DCC: variants seen among roughly 807,000 people sequenced by gnomAD.
DCC encodes the protein netrin receptor DCC.
DCC carries 58 observed loss-of-function variants against 172.5 expected under a neutral mutation model. The observed-to-expected ratio is 0.34, with a 90% confidence interval of 0.27 to 0.42. DCC has a LOEUF of 0.42. Ranked by LOEUF, DCC falls within the 10% of genes least tolerant of loss-of-function variation. DCC has a pLI of 1.00. For synonymous variants in DCC, 709 were observed against 644.5 expected, an observed-to-expected ratio of 1.10 and a Z score of -1.52; for missense variants, 1,740 against 1,791.0, an observed-to-expected ratio of 0.97 and a Z score of 0.51.
chr18:52,916,914 C>T (rs1014503439), intron 3 of DCC, among the ~76,000 whole-genome samples: 23 of 151,822 alleles, frequency 1.5e-4, no homozygotes, highest in Non-Finnish European at 3.1e-4. Flanking sequence ...AGAACTACCA[C>T]TATACTCAAT....
chr18:52,360,991 T>C (rs1400452947), intron 1 of DCC, among the ~76,000 whole-genome samples: 1 of 152,212 alleles, frequency 6.6e-6, no homozygotes, highest in Admixed American at 6.5e-5. Context: ...TCATCTATTC[T>C]ATTACTTACA....
chr18:52,571,099 C>T lies in DCC; in HGVS notation c.92-180955C>T, dbSNP rs556697868. On this transcript the variant is annotated intron_variant, in intron 1 of 28. Coordinates refer to ENST00000442544, the MANE Select transcript of DCC (RefSeq NM_005215.4). ...GTTACAAGGTGCACAAAAACTTTTT[C>T]TAGCTTGAGTAAAAAATGCATTTTA... is the stretch of plus-strand genomic sequence containing the variant. Among the ~76,000 whole-genome samples, 45 of 152,218 alleles carry T rather than the reference C, an allele frequency of 3.0e-4. 1 individual carries two copies. Among genetic ancestry groups the T allele is most frequent in the Non-Finnish European group, 5.3e-4 (36 of 67,998 alleles).
At chr18:53,107,465 A>G (rs556125012) in intron 7 of DCC, among the ~76,000 whole-genome samples, 2 of 151,242 alleles carry the variant, frequency 1.3e-5, no homozygotes, top group African/African-American at 4.8e-5. Flanking sequence ...ATCCTATAGA[A>G]GAGAATTGTG....
chr18:53,479,338 ACT>A (rs1294335529), intron 25 of DCC, among the ~76,000 whole-genome samples: 2 of 151,982 alleles, frequency 1.3e-5, no homozygotes, highest in Non-Finnish European at 2.9e-5. Context: ...TTTTATTCAA[ACT>A]CTATAGGCAC....
intron 1 of DCC, among the ~76,000 whole-genome samples, chr18:52,502,552 G>T (rs984626576): frequency 5.9e-5 from 9 of 152,072 alleles, no homozygotes; most frequent in African/African-American, 2.2e-4. Context: ...AAGATATACT[G>T]GGCCACTGAA....
rs372429740 is a variant in DCC at position 53,262,709 on chromosome 18, G to C, written c.1912-42869G>C. Reference sequence around the variant, plus strand: ...GACATTCTCCCTTAGTCTTTCATCAGAGGTTATTTAGTTTTTCTGAATTTT... The same window carrying C: ...GACATTCTCCCTTAGTCTTTCATCACAGGTTATTTAGTTTTTCTGAATTTT... On this transcript the variant is annotated intron_variant, in intron 12 of 28. Transcript: ENST00000442544. 2.8e-4 allele frequency among the ~76,000 whole-genome samples: 43 copies of C among 152,146 alleles called. 1 individual carries two copies. The highest frequency in any genetic ancestry group is 7.9e-4 in the Admixed American group (12 of 15,272).
At chr18:52,636,927 G>A (rs567295432) in intron 1 of DCC, among the ~76,000 whole-genome samples, 5 of 152,104 alleles carry the variant, frequency 3.3e-5, no homozygotes, top group African/African-American at 7.2e-5. Flanking sequence ...CTGCACCCCC[G>A]CCACCTCCAC....
chr18:53,317,364 C>T (rs2057356045), intron 13 of DCC, among the ~76,000 whole-genome samples: 1 of 152,174 alleles, frequency 6.6e-6, no homozygotes, highest in Non-Finnish European at 1.5e-5. Flanking sequence ...TTTTGATATA[C>T]TGCTGGATTC....
chr18:52,999,825 A>G (rs2041536995), intron 5 of DCC, among the ~76,000 whole-genome samples: 1 of 152,076 alleles, frequency 6.6e-6, no homozygotes, highest in East Asian at 1.9e-4. Flanking sequence ...CCTGACCCCT[A>G]GTGGTTCTGT....
intron 14 of DCC, among the ~76,000 whole-genome samples, chr18:53,331,549 C>A (rs766999981): frequency 9.2e-5 from 14 of 152,152 alleles, no homozygotes; most frequent in Non-Finnish European, 1.9e-4. Context: ...CCTTGAAAGC[C>A]ACATCAAGAG....
chr18:52,407,666 A>T (rs1363267612), intron 1 of DCC, among the ~76,000 whole-genome samples: 2 of 152,068 alleles, frequency 1.3e-5, no homozygotes, highest in African/African-American at 4.8e-5. Flanking sequence ...TATCTACACA[A>T]TGCATCTTCA....
chr18:53,395,673 C>T (rs892618603), intron 17 of DCC, among the ~76,000 whole-genome samples: 34 of 152,142 alleles, frequency 2.2e-4, no homozygotes, highest in African/African-American at 7.5e-4. Context: ...GATGGAGTCT[C>T]GCTCTGTGGT....
At chr18:52,777,002 A>G (rs907487637) in intron 2 of DCC, among the ~76,000 whole-genome samples, 1 of 152,198 alleles carries the variant, frequency 6.6e-6, no homozygotes, top group Non-Finnish European at 1.5e-5. Flanking sequence ...GTGCAAGTTC[A>G]GAGCCTTTTT....
chr18:52,642,064 A>G (rs370350849), intron 1 of DCC, among the ~76,000 whole-genome samples: 2 of 10,748 alleles, frequency 1.9e-4, no homozygotes, highest in African/African-American at 2.5e-4. Flanking sequence ...GTGTGTGTGT[A>G]TATATATATA....
chr18:53,282,327 A>G (rs2056882524), intron 12 of DCC, among the ~76,000 whole-genome samples: 1 of 152,156 alleles, frequency 6.6e-6, no homozygotes, highest in Admixed American at 6.6e-5. Context: ...AGGCAAGAGC[A>G]TCTGATAAGT....
chr18:52,348,405 C>T lies in DCC; in HGVS notation c.91+7527C>T, dbSNP rs191160016. Among the ~76,000 whole-genome samples, 58 of 152,288 alleles carry T rather than the reference C, an allele frequency of 3.8e-4. No individual in the cohort carries two copies. In the East Asian group the frequency reaches 0.011, roughly 29 times the overall value. ...GGGAGGCAAAGACATGTTGCAGTTA[C>T]TGAAACCCCCACCAGGGGCAGATGA... On this transcript the variant is annotated intron_variant, in intron 1 of 28. Transcript: ENST00000442544.
intron 15 of DCC, among the ~76,000 whole-genome samples, chr18:53,351,319 T>TGTATATA (rs2057794708): frequency 4.5e-5 from 1 of 22,246 alleles, no homozygotes; most frequent in South Asian, 3.5e-3. Context: ...ATATATACAC[T>TGTATATA]GTATATATAT....
intron 1 of DCC, among the ~76,000 whole-genome samples, chr18:52,588,592 G>T (rs1879835778): frequency 6.6e-6 from 1 of 152,194 alleles, no homozygotes; most frequent in East Asian, 1.9e-4. Context: ...TTGCTGGAAA[G>T]AAAGGTACAT....
chr18:53,447,570 A>T (rs1249868302), intron 22 of DCC, among the ~76,000 whole-genome samples: 1 of 152,220 alleles, frequency 6.6e-6, no homozygotes, highest in African/African-American at 2.4e-5. Flanking sequence ...GAGTAATTTC[A>T]GTTTACCATG....
Sources: allele counts gnomAD v4.1 joint callset (sites outside exome capture counted in the v4.1 genomes callset), GRCh38; gene constraint gnomAD v4.1.1; transcripts MANE v1.5; gene names NCBI Gene and HGNC (gene_info 2026-07-23, HGNC 2026-07-21).